The following MATN2 variants were observed in gnomAD, a reference collection of about 807,000 sequenced individuals.
The protein encoded by MATN2 is matrilin-2.
MATN2 carries 69 observed loss-of-function variants against 103.2 expected under a neutral mutation model. The ratio of observed to expected loss-of-function variants is 0.67; its 90% CI spans 0.55 to 0.82. MATN2 has a LOEUF of 0.82. Ranked by LOEUF, MATN2 falls within the 40% of genes least tolerant of loss-of-function variation. The pLI is 0.00. For missense variants in MATN2, 1,023 were observed against 1,211.5 expected, an observed-to-expected ratio of 0.84 and a Z score of 2.31; for synonymous variants, 429 against 450.2, an observed-to-expected ratio of 0.95 and a Z score of 0.60.
At chr8:97,919,163 A>T (rs35988615) in intron 2 of MATN2, among the ~76,000 whole-genome samples, 2,666 of 152,160 alleles carry the variant, frequency 0.018, 84 homozygotes, top group African/African-American at 0.06. Flanking sequence ...GGCTCACATA[A>T]CCCTAGAGAC....
chr8:97,992,190 T>C (rs1297279102), intron 6 of MATN2, among the ~76,000 whole-genome samples: 2 of 152,230 alleles, frequency 1.3e-5, no homozygotes, highest in Admixed American at 6.5e-5. Flanking sequence ...AGAATGTATG[T>C]AATGTACCCT....
At chr8:97,919,652 T>A (rs1809747094) in intron 2 of MATN2, among the ~76,000 whole-genome samples, 1 of 152,160 alleles carries the variant, frequency 6.6e-6, no homozygotes, top group Non-Finnish European at 1.5e-5. Context: ...GTATCTGCAA[T>A]CTTTCTCTTC....
At chr8:98,030,663 C>T (rs1313528559) in intron 15 of MATN2, 49 bp downstream of exon 15, 1 of 1,569,894 alleles carries the variant, frequency 6.4e-7, no homozygotes, top group Non-Finnish European at 8.6e-7. Context: ...AGCATGAACT[C>T]CTTTTTTTTT....
At chr8:97,878,201 C>A (rs1407661134) in intron 1 of MATN2, among the ~76,000 whole-genome samples, 1 of 152,094 alleles carries the variant, frequency 6.6e-6, no homozygotes, top group Admixed American at 6.6e-5. Flanking sequence ...TAAGTAGATA[C>A]TTGATATTTC....
chr8:98,015,373 C>G (rs1344857715), intron 10 of MATN2, among the ~76,000 whole-genome samples: 1 of 152,166 alleles, frequency 6.6e-6, no homozygotes, highest in Non-Finnish European at 1.5e-5. Flanking sequence ...CCTTCTCTTT[C>G]AGATCTGACC....
At chr8:97,924,829 A>AGC (rs1221614214) in intron 2 of MATN2, among the ~76,000 whole-genome samples, 1 of 151,892 alleles carries the variant, frequency 6.6e-6, no homozygotes, top group African/African-American at 2.4e-5. Flanking sequence ...GAGCCAATCC[A>AGC]GCCCTGGTGC....
At chr8:97,917,241 T>C (rs968236234) in intron 2 of MATN2, among the ~76,000 whole-genome samples, 2 of 152,256 alleles carry the variant, frequency 1.3e-5, no homozygotes, top group African/African-American at 4.8e-5. Flanking sequence ...CATGGGCAGA[T>C]GGAATCCATC....
chr8:98,034,062 C>T (rs1814145107), intron 18 of MATN2: 2 of 421,648 alleles, frequency 4.7e-6, no homozygotes, highest in African/African-American at 2.1e-5. Context: ...GTTTCAAACT[C>T]AGTACTCCAA....
rs1022957592 is a variant in MATN2, at chr8:98,007,967, A to G, written c.1573+366A>G. On this transcript the variant is annotated intron_variant, in intron 10 of 18. Transcript: ENST00000254898. This position sits in a 1 kb window ranked among gnomAD's most constrained non-coding sequence, Gnocchi z 4.2. Reference sequence around the variant, plus strand: ...TAGCTGCATGCTGGGCACTGTGCTAAGCACACATGCTGTTGCATTCAGGGG... The same window carrying G: ...TAGCTGCATGCTGGGCACTGTGCTAGGCACACATGCTGTTGCATTCAGGGG... 2.6e-5 allele frequency among the ~76,000 whole-genome samples: 4 copies of G among 152,192 alleles called. No individual in the cohort carries two copies. Among genetic ancestry groups the G allele is most frequent in the Non-Finnish European group, 1.5e-5 (1 of 68,038 alleles).
chr8:97,967,079 C>A (rs2512038), intron 5 of MATN2, among the ~76,000 whole-genome samples: 151,979 of 152,206 alleles, frequency 1, 75,880 homozygotes, highest in Non-Finnish European at 1. Flanking sequence ...ACACTCTTTT[C>A]AGACCAACCA....
rs751243287 is a variant in MATN2 at position 98,030,710 on chromosome 8, T to C, written c.2509+96T>C. The C allele has an allele frequency of 1.0e-5, 12 of 1,161,048 alleles. No individual in the cohort carries two copies. The South Asian group carries it at 1.6e-4, about 16-fold the overall frequency. 71.9% of individuals were successfully genotyped at this position (1,161,048 alleles called of 1,614,324 possible). ...TGGAGTCTCACTCTGTCATCCAGGC[T>C]GGAGTGCAGTGGCACAATCTCAGCT... On this transcript the variant is annotated intron_variant, in intron 15 of 18. Coordinates refer to ENST00000254898, the MANE Select transcript of MATN2 (RefSeq NM_002380.5).
intron 2 of MATN2, among the ~76,000 whole-genome samples, chr8:97,921,247 G>C (rs576250029): frequency 2.6e-4 from 40 of 152,242 alleles, no homozygotes; most frequent in African/African-American, 9.1e-4. Flanking sequence ...TTACCAAGTG[G>C]GAAATGATTT....
chr8:98,032,515 G>GT (rs1193494210), intron 16 of MATN2, among the ~76,000 whole-genome samples, 198 bp downstream of exon 16: 2 of 151,890 alleles, frequency 1.3e-5, no homozygotes, highest in Admixed American at 6.6e-5. Context: ...AGGTGACAGT[G>GT]TTTTTTTGTT....
chr8:97,977,823 G>A (rs761713557), intron 5 of MATN2, among the ~76,000 whole-genome samples: 2 of 151,980 alleles, frequency 1.3e-5, no homozygotes, highest in Non-Finnish European at 2.9e-5. Flanking sequence ...CCTGGCCTTC[G>A]CACTTGCTGT....
rs754654836 is a variant in MATN2 at position 97,931,539 on chromosome 8, T to C, written c.712+17T>C. 15 of 1,579,454 alleles carry C rather than the reference T, an allele frequency of 9.5e-6. No individual in the cohort carries two copies. The highest frequency in any genetic ancestry group is 6.7e-5 in the East Asian group (3 of 44,694). The stretch of plus-strand genomic sequence containing the variant: ...AGTTGTGCAGTAAGTCCTGCTCCTT[T>C]GTCACTCTTCTAGAGGAACCACTAG... On this transcript the variant is annotated intron_variant, in intron 3 of 18. Coordinates refer to ENST00000254898, the MANE Select transcript of MATN2 (RefSeq NM_002380.5). The surrounding 1 kb of genome is among the most constrained non-coding windows in gnomAD (Gnocchi z 4.1).
At chr8:97,898,059 C>G (rs11996075) in intron 2 of MATN2, among the ~76,000 whole-genome samples, 2 of 151,936 alleles carry the variant, frequency 1.3e-5, no homozygotes, top group Admixed American at 6.6e-5. Context: ...TCTCCAGTAC[C>G]CCCCTTCCTC....
intron 5 of MATN2, 90 bp from the exon 6 acceptor site, chr8:97,978,796 A>G: frequency 8.2e-7 from 1 of 1,223,578 alleles, no homozygotes; most frequent in Non-Finnish European, 1.2e-6. Flanking sequence ...ATTAATCCTA[A>G]TTAATATCTG....
chr8:97,995,144 C>T (rs1336433502), intron 7 of MATN2, among the ~76,000 whole-genome samples: 26 of 152,308 alleles, frequency 1.7e-4, no homozygotes, highest in Non-Finnish European at 2.9e-5. Context: ...TCTAGCACAT[C>T]AAAGGGCATG....
In MATN2 at chr8:97,949,292, C is replaced by T. The variant is rs765663106; in HGVS notation, c.835+7393C>T. 5.7e-4 allele frequency among the ~76,000 whole-genome samples: 86 copies of T among 151,996 alleles called. 1 individual carries two copies. The highest frequency in any genetic ancestry group is 3.4e-3 in the Middle Eastern group (1 of 294). On this transcript the variant is annotated intron_variant, in intron 4 of 18. Coordinates refer to ENST00000254898, the MANE Select transcript of MATN2 (RefSeq NM_002380.5). The stretch of plus-strand genomic sequence containing the variant: ...CAAGCAATTCCCCTGCCTCAACCTC[C>T]AAGTAGCTGGATCTACAGGCACGCA...
Sources: gnomAD v4.1 joint callset for allele counts (sites outside exome capture counted in the v4.1 genomes callset) on GRCh38, gnomAD v4.1.1 for gene constraint, Gnocchi (gnomAD v3.1) non-coding constraint, MANE v1.5 for transcripts, NCBI Gene and HGNC (gene_info 2026-07-23, HGNC 2026-07-21) for gene names.